Variants in FYN observed in about 807,000 individuals in gnomAD.
FYN encodes the protein FYN proto-oncogene, Src family tyrosine kinase.
In FYN, 10 loss-of-function variants were observed where a neutral mutation model predicts 70.2. The observed-to-expected ratio is 0.14, with a 90% CI of 0.09 to 0.24. The LOEUF is 0.24. FYN is among the 10% of genes least tolerant of loss of function. The pLI is 1.00. For missense variants in FYN, 319 were observed against 673.1 expected (o/e 0.47, Z 5.82); for synonymous variants, 236 against 248.6 (o/e 0.95, Z 0.48).
At position 111,827,323 on chromosome 6, in the gene FYN, G is replaced by T. The variant is rs966579025; in HGVS notation, c.-82+19266C>A. Reference sequence around the variant, plus strand: ...TGAGTGTTCTATGGTCTTATTGCAGGCTGGTTCAAAGACTCTTTGGGGCTC... The same window carrying T: ...TGAGTGTTCTATGGTCTTATTGCAGTCTGGTTCAAAGACTCTTTGGGGCTC... On this transcript the variant is annotated intron_variant, in intron 2 of 13. Transcript: ENST00000354650. Among the ~76,000 whole-genome samples, 8 of 152,232 alleles carry T rather than the reference G, an allele frequency of 5.3e-5. No individual in the cohort carries two copies. The South Asian group carries it at 1.0e-3, about 20-fold the overall frequency.
intron 1 of FYN, among the ~76,000 whole-genome samples, chr6:111,869,222 CACAG>C (rs1462363985): frequency 1.3e-5 from 2 of 152,246 alleles, no homozygotes; most frequent in East Asian, 1.9e-4. Flanking sequence ...ATGCAAGACT[CACAG>C]ACAAAGAGGG....
intron 3 of FYN, among the ~76,000 whole-genome samples, chr6:111,746,372 C>T (rs867723762): frequency 7.2e-5 from 11 of 152,254 alleles, no homozygotes; most frequent in African/African-American, 1.2e-4. Flanking sequence ...ATTTCTACCA[C>T]GACAGATTAG....
At chr6:111,680,479 C>T (rs1199369326) in intron 12 of FYN, among the ~76,000 whole-genome samples, 1 of 152,256 alleles carries the variant, frequency 6.6e-6, no homozygotes, top group East Asian at 1.9e-4. Context: ...AGTCACTGGG[C>T]TGTGAGCAGA....
In FYN at chr6:111,694,805, T is replaced by C; in HGVS notation, c.1043-101A>G. On this transcript the variant is annotated intron_variant, in intron 10 of 13. Transcript: ENST00000354650. This position sits in a 1 kb window ranked among gnomAD's most constrained non-coding sequence, Gnocchi z 5.0. Reference sequence around the variant, plus strand: ...TATTAAAAGTAATAAGGTAGTCAAATGGAATAATGCCATCCACATGGGGGG... The same window carrying C: ...TATTAAAAGTAATAAGGTAGTCAAACGGAATAATGCCATCCACATGGGGGG... 6 of 1,013,070 alleles carry C rather than the reference T, an allele frequency of 5.9e-6. No homozygotes were observed. The highest frequency in any genetic ancestry group is 5.9e-6 in the Non-Finnish European group (4 of 680,954). 62.8% of individuals were successfully genotyped at this position (1,013,070 alleles called of 1,614,324 possible).
intron 3 of FYN, among the ~76,000 whole-genome samples, chr6:111,750,392 C>T (rs1212722908): frequency 6.6e-6 from 1 of 152,192 alleles, no homozygotes; most frequent in African/African-American, 2.4e-5. Flanking sequence ...TTCCCCTTTG[C>T]CTTCCGCCAT....
At chr6:111,839,120 G>T (rs1773276290) in intron 2 of FYN, among the ~76,000 whole-genome samples, 1 of 152,134 alleles carries the variant, frequency 6.6e-6, no homozygotes, top group African/African-American at 2.4e-5. Flanking sequence ...GACATGCCCA[G>T]CCATACATTT....
intron 2 of FYN, among the ~76,000 whole-genome samples, chr6:111,789,592 T>C (rs1296773773): frequency 6.6e-6 from 1 of 152,218 alleles, no homozygotes; most frequent in African/African-American, 2.4e-5. Context: ...TCTGCTTCTA[T>C]GAGACTCATG....
chr6:111,735,543 T>C (rs1801671476), intron 3 of FYN, among the ~76,000 whole-genome samples: 1 of 152,214 alleles, frequency 6.6e-6, no homozygotes, highest in South Asian at 2.1e-4. Context: ...ATCTGAGACC[T>C]ATAAGCAAAA....
intron 2 of FYN, among the ~76,000 whole-genome samples, chr6:111,823,836 A>G (rs1772750890): frequency 6.6e-6 from 1 of 152,240 alleles, no homozygotes; most frequent in Non-Finnish European, 1.5e-5. Context: ...CAGAATATAT[A>G]TAAACACTCA....
intron 2 of FYN, among the ~76,000 whole-genome samples, chr6:111,804,330 A>G (rs1350054802): frequency 1.3e-5 from 2 of 152,176 alleles, no homozygotes; most frequent in Non-Finnish European, 2.9e-5. Flanking sequence ...CAGCTTTAGA[A>G]GCGGCACCCT....
At chr6:111,774,182 A>G (rs1036246209) in intron 3 of FYN, among the ~76,000 whole-genome samples, 8 of 152,214 alleles carry the variant, frequency 5.3e-5, no homozygotes, top group African/African-American at 1.7e-4. Context: ...GCCTGTTTCC[A>G]TATGGAGTGG....
At chr6:111,843,158 C>T (rs1203179476) in intron 2 of FYN, among the ~76,000 whole-genome samples, 2 of 152,192 alleles carry the variant, frequency 1.3e-5, no homozygotes, top group Non-Finnish European at 2.9e-5. Flanking sequence ...AGGGGCCTCT[C>T]TCATGGCAGG....
chr6:111,675,034 G>A (rs925093444), intron 12 of FYN, among the ~76,000 whole-genome samples: 20 of 152,054 alleles, frequency 1.3e-4, no homozygotes, highest in African/African-American at 4.6e-4. Context: ...TTAAACCACT[G>A]AGCTGCTCCC....
intron 3 of FYN, among the ~76,000 whole-genome samples, chr6:111,747,574 T>C (rs1331251585): frequency 6.6e-6 from 1 of 152,226 alleles, no homozygotes; most frequent in African/African-American, 2.4e-5. Flanking sequence ...CCCCTGACAT[T>C]ATACACTGCC....
intron 2 of FYN, among the ~76,000 whole-genome samples, chr6:111,813,663 C>A (rs1356809190): frequency 6.6e-6 from 1 of 152,172 alleles, no homozygotes; most frequent in Non-Finnish European, 1.5e-5. Context: ...CCTCTCTAGG[C>A]CTCAGTTTTG....
At chr6:111,842,303 C>G (rs990934614) in intron 2 of FYN, among the ~76,000 whole-genome samples, 1 of 152,198 alleles carries the variant, frequency 6.6e-6, no homozygotes, top group East Asian at 1.9e-4. Context: ...CCCGTCTGCA[C>G]ATAGGAACTG....
At chr6:111,704,202 A>G in intron 6 of FYN, 100 bp from the exon 7 acceptor site, 1 of 851,376 alleles carries the variant, frequency 1.2e-6, no homozygotes, top group Non-Finnish European at 1.9e-6. Context: ...CTCTCCTCCA[A>G]TTTAGTCCTT....
intron 3 of FYN, among the ~76,000 whole-genome samples, chr6:111,777,000 G>A (rs1246350923): frequency 1.3e-5 from 2 of 152,126 alleles, no homozygotes; most frequent in African/African-American, 2.4e-5. Flanking sequence ...CACCAGAACC[G>A]CCTTGATTCA....
chr6:111,689,903 C>G (rs804190), intron 12 of FYN, among the ~76,000 whole-genome samples: 3,224 of 152,190 alleles, frequency 0.021, 125 homozygotes, highest in African/African-American at 0.072. Context: ...CAGATTTGTT[C>G]GTTTTACTGT....
Sources: gnomAD v4.1 joint callset for allele counts (sites outside exome capture counted in the v4.1 genomes callset) on GRCh38, gnomAD v4.1.1 for gene constraint, Gnocchi (gnomAD v3.1) non-coding constraint, MANE v1.5 for transcripts, NCBI Gene and HGNC (gene_info 2026-07-23, HGNC 2026-07-21) for gene names.